SMAP2: variants seen among roughly 807,000 people sequenced by gnomAD.
SMAP2 encodes the protein small ArfGAP2, also known as stromal membrane-associated protein 2.
In SMAP2, 25 loss-of-function variants were observed where a neutral mutation model predicts 56.4. That is an observed-to-expected ratio of 0.44 (90% CI 0.32 to 0.62). The LOEUF is 0.62. SMAP2 is among the 20% of genes least tolerant of loss of function. SMAP2 has a pLI of 0.04. For synonymous variants in SMAP2, 157 were observed against 181.7 expected (o/e 0.86, Z 1.09); for missense variants, 388 against 545.6 (o/e 0.71, Z 2.88).
At chr1:40,395,845 G>GT (rs1431108749) in intron 1 of SMAP2, among the ~76,000 whole-genome samples, 1 of 152,148 alleles carries the variant, frequency 6.6e-6, no homozygotes, top group Non-Finnish European at 1.5e-5. Context: ...AGGCTTTAAT[G>GT]TTTTTTGAGA....
chr1:40,394,590 G>A (rs1644751351), intron 1 of SMAP2, among the ~76,000 whole-genome samples: 1 of 151,920 alleles, frequency 6.6e-6, no homozygotes, highest in African/African-American at 2.4e-5. Flanking sequence ...CTTAAAATAT[G>A]TTGGCTCTTT....
intron 1 of SMAP2, among the ~76,000 whole-genome samples, chr1:40,348,971 T>C (rs1486707338): frequency 6.6e-6 from 1 of 152,092 alleles, no homozygotes; most frequent in African/African-American, 2.4e-5. Flanking sequence ...GGCTTCACCA[T>C]GTTGGCCAGG....
chr1:40,409,434 G>T (rs1432789741), intron 3 of SMAP2, among the ~76,000 whole-genome samples: 1 of 152,198 alleles, frequency 6.6e-6, no homozygotes, highest in African/African-American at 2.4e-5. Context: ...TGACCTAAGT[G>T]CTTTAAAATA....
intron 1 of SMAP2, among the ~76,000 whole-genome samples, chr1:40,399,979 G>A (rs905521061): frequency 6.6e-6 from 1 of 152,154 alleles, no homozygotes; most frequent in African/African-American, 2.4e-5. Context: ...GAAATTTTCT[G>A]TAAGGTAAAA....
Position 40,399,972 on chromosome 1 carries a change from A to G in SMAP2, c.104-6764A>G, listed in dbSNP as rs994008736. 2.6e-5 allele frequency among the ~76,000 whole-genome samples: 4 copies of G among 152,258 alleles called. No homozygotes were observed. The East Asian group carries it at 7.7e-4, about 29-fold the overall frequency. ...TATGCTCTGCTTTCGTTTGTTTGAA[A>G]TTTTCTGTAAGGTAAAAACCAAAAG... On this transcript the variant is annotated intron_variant, in intron 1 of 9. Transcript: ENST00000372718.
At chr1:40,350,387 C>T (rs1257580918) in intron 1 of SMAP2, among the ~76,000 whole-genome samples, 1 of 152,160 alleles carries the variant, frequency 6.6e-6, no homozygotes, top group African/African-American at 2.4e-5. Context: ...AGGAAGAGTG[C>T]AAACCTGAGG....
rs1393104932 is a variant in SMAP2, at chr1:40,374,297, G to T, written c.103+74G>T. On this transcript the variant is annotated intron_variant, in intron 1 of 9. Coordinates refer to ENST00000372718, the MANE Select transcript of SMAP2 (RefSeq NM_022733.3). The surrounding 1 kb of genome is among the most constrained non-coding windows in gnomAD (Gnocchi z 5.9). ...TGGGGGTGGGCTGCGTGAAGAGGCG[G>T]TTTCTGAAGCTTAGGCCGCCCAACT... 14 of 1,314,140 alleles carry T rather than the reference G, an allele frequency of 1.1e-5. No individual in the cohort carries two copies. In the East Asian group the frequency reaches 3.5e-4, roughly 32 times the overall value. The allele number at this position is 1,314,140 out of a possible 1,614,324, so 81.4% of individuals were successfully genotyped here.
At chr1:40,347,970 G>A (rs1644396023) in intron 1 of SMAP2, among the ~76,000 whole-genome samples, 1 of 151,704 alleles carries the variant, frequency 6.6e-6, no homozygotes, top group Admixed American at 6.6e-5. Context: ...TTATTTTGGT[G>A]TGTTTTCAAT....
At chr1:40,401,854 G>T (rs1242711210) in intron 1 of SMAP2, among the ~76,000 whole-genome samples, 1 of 152,164 alleles carries the variant, frequency 6.6e-6, no homozygotes, top group Non-Finnish European at 1.5e-5. Flanking sequence ...CTGGTACTTA[G>T]GACAGTTGAT....
chr1:40,399,606 G>T (rs897015633), intron 1 of SMAP2, among the ~76,000 whole-genome samples: 2 of 150,792 alleles, frequency 1.3e-5, no homozygotes, highest in Admixed American at 6.6e-5. Context: ...GGAGACTGAG[G>T]TGGGAGGATT....
intron 1 of SMAP2, among the ~76,000 whole-genome samples, chr1:40,384,940 C>T (rs1034583137): frequency 6.6e-6 from 1 of 152,064 alleles, no homozygotes; most frequent in African/African-American, 2.4e-5. Context: ...TTGACTATTC[C>T]GTTTCCCACA....
intron 1 of SMAP2, among the ~76,000 whole-genome samples, chr1:40,376,790 T>G (rs1266415451): frequency 6.6e-6 from 1 of 152,206 alleles, no homozygotes; most frequent in Non-Finnish European, 1.5e-5. Context: ...CCTAAAAAAT[T>G]GGAAGTTAAC....
chr1:40,414,336 G>A (rs1032221036), intron 6 of SMAP2, 96 bp downstream of exon 6: 12 of 1,117,314 alleles, frequency 1.1e-5, no homozygotes, highest in African/African-American at 3.1e-5. Context: ...CTCCAGTTTT[G>A]TCTTCATTGC....
chr1:40,357,237 C>A (rs184407597), intron 1 of SMAP2, among the ~76,000 whole-genome samples: 1 of 151,952 alleles, frequency 6.6e-6, no homozygotes, highest in Non-Finnish European at 1.5e-5. Context: ...TTTGGATCAC[C>A]TGAGGTCAGG....
In SMAP2 at chr1:40,393,541, C is replaced by CTTTTT. The variant is rs35913943; in HGVS notation, c.104-13177_104-13173dup. 3.4e-5 allele frequency: 28 copies of CTTTTT among 812,044 alleles called. No homozygotes were observed. The African/African-American group carries it at 3.7e-4, about 11-fold the overall frequency. The allele number at this position is 812,044 out of a possible 1,614,324, so 50.3% of individuals were successfully genotyped here. ...AACAAAGTGTAAGTAGTTCTTCTAA[C>CTTTTT]TTTTTTTTTTTTTTTTTTTTTTGTG... On this transcript the variant is annotated intron_variant, in intron 1 of 9. Transcript: ENST00000372718.
intron 4 of SMAP2, 110 bp downstream of exon 4, chr1:40,409,945 A>C: frequency 1.4e-6 from 1 of 732,560 alleles, no homozygotes; most frequent in Non-Finnish European, 2.3e-6. Flanking sequence ...ACCATCTTTT[A>C]AAAAATGCAA....
chr1:40,374,409 G>T lies in SMAP2; in HGVS notation c.103+186G>T, dbSNP rs868618655. On this transcript the variant is annotated intron_variant, in intron 1 of 9. Coordinates refer to ENST00000372718, the MANE Select transcript of SMAP2 (RefSeq NM_022733.3). The surrounding 1 kb of genome is among the most constrained non-coding windows in gnomAD (Gnocchi z 5.9). ...GGGGATTGGTATGGGTAGAGCTTGC[G>T]AGGGCGAGTCTGTGTGTGTCGGGGA... Among the ~76,000 whole-genome samples the T allele has an allele frequency of 1.3e-5, 2 of 152,110 alleles. No individual in the cohort carries two copies. Among genetic ancestry groups the T allele is most frequent in the East Asian group, 1.9e-4 (1 of 5,172 alleles).
chr1:40,388,197 C>T (rs1644679483), intron 1 of SMAP2, among the ~76,000 whole-genome samples: 1 of 152,200 alleles, frequency 6.6e-6, no homozygotes, highest in African/African-American at 2.4e-5. Flanking sequence ...TGCTCCACGG[C>T]ACCCGGTCCC....
Position 40,379,555 on chromosome 1 carries a change from C to CTTTT in SMAP2, c.103+5353_103+5356dup, listed in dbSNP as rs35398664. 1.4e-3 allele frequency among the ~76,000 whole-genome samples: 113 copies of CTTTT among 78,104 alleles called. 1 individual carries two copies. Among genetic ancestry groups the CTTTT allele is most frequent in the Middle Eastern group, 8.5e-3 (1 of 118 alleles). The allele number at this position is 78,104 out of a possible 152,430, so 51.2% of individuals were successfully genotyped here. On this transcript the variant is annotated intron_variant, in intron 1 of 9. Transcript: ENST00000372718. ...TGATTTGGAAGACACTGTTGTCTCT[C>CTTTT]TTTTTTTTTTTTTTTTTTTTTTTTG...
Sources: allele counts gnomAD v4.1 joint callset (sites outside exome capture counted in the v4.1 genomes callset), GRCh38; gene constraint gnomAD v4.1.1; non-coding constraint Gnocchi (gnomAD v3.1); transcripts MANE v1.5; gene names NCBI Gene and HGNC (gene_info 2026-07-23, HGNC 2026-07-21).